Variants in PARD3B observed in about 807,000 individuals in gnomAD.
PARD3B encodes the protein partitioning defective 3 homolog B.
Under a neutral mutation model 130.2 loss-of-function variants are expected in PARD3B, and 103 were observed. The ratio of observed to expected loss-of-function variants is 0.79; its 90% CI spans 0.67 to 0.93. PARD3B has a LOEUF of 0.93. PARD3B is among the 40% of genes least tolerant of loss of function. The pLI is 0.00. For synonymous variants in PARD3B, 583 were observed against 553.2 expected (o/e 1.05, Z -0.76); for missense variants, 1,609 against 1,499.2 (o/e 1.07, Z -1.21).
chr2:205,081,826 A>G (rs1701427160), intron 4 of PARD3B, among the ~76,000 whole-genome samples: 1 of 152,066 alleles, frequency 6.6e-6, no homozygotes, highest in Admixed American at 6.5e-5. Context: ...TATGAGTGTT[A>G]CTGGTCCCTG....
chr2:205,016,656 T>C (rs1186756540), intron 3 of PARD3B, among the ~76,000 whole-genome samples: 1 of 152,142 alleles, frequency 6.6e-6, no homozygotes, highest in African/African-American at 2.4e-5. Context: ...TCTGAAAATA[T>C]AGGTTTCCAG....
At position 204,943,362 on chromosome 2, in the gene PARD3B, T is replaced by C. The variant is rs1316778540; in HGVS notation, c.223-21790T>C. Among the ~76,000 whole-genome samples, 1 of 152,112 alleles carries C rather than the reference T, an allele frequency of 6.6e-6. No homozygotes were observed. Among genetic ancestry groups the C allele is most frequent in the Non-Finnish European group, 1.5e-5 (1 of 68,028 alleles). On this transcript the variant is annotated intron_variant, in intron 2 of 22. Coordinates refer to ENST00000406610, the MANE Select transcript of PARD3B (RefSeq NM_001302769.2). The surrounding 1 kb of genome is among the most constrained non-coding windows in gnomAD (Gnocchi z 4.2). ...AGAAAGAGGTTAGAGGTAGACTGGC[T>C]GCTGGAAAAGAGAAGCCAAGATCCC... is the stretch of plus-strand genomic sequence containing the variant.
intron 3 of PARD3B, among the ~76,000 whole-genome samples, chr2:205,037,676 AC>A: frequency 8.5e-6 from 1 of 117,762 alleles, no homozygotes; most frequent in South Asian, 3.4e-4. Flanking sequence ...TATATAGTGG[AC>A]TATATATATA....
chr2:204,761,596 T>C (rs1180876840), intron 2 of PARD3B, among the ~76,000 whole-genome samples: 1 of 83,530 alleles, frequency 1.2e-5, no homozygotes. Flanking sequence ...ACCTAAAAAT[T>C]ACAAAAAAAA....
rs958245307 is a variant in PARD3B at position 205,291,631 on chromosome 2, T to C, written c.2186-8899T>C. Among the ~76,000 whole-genome samples the C allele has an allele frequency of 1.3e-5, 2 of 152,224 alleles. No individual in the cohort carries two copies. Among genetic ancestry groups the C allele is most frequent in the Non-Finnish European group, 2.9e-5 (2 of 68,024 alleles). On this transcript the variant is annotated intron_variant, in intron 16 of 22. Transcript: ENST00000406610. This position sits in a 1 kb window ranked among gnomAD's most constrained non-coding sequence, Gnocchi z 4.6. The stretch of plus-strand genomic sequence containing the variant: ...ATTTAATTAATGTAATTGTAGATAG[T>C]TTGTTTGAACCCATAGGCACAGCCT...
chr2:205,284,741 T>G (rs1309856958), intron 16 of PARD3B, among the ~76,000 whole-genome samples: 4 of 152,182 alleles, frequency 2.6e-5, no homozygotes, highest in Admixed American at 2.6e-4. Context: ...TTCATTACCA[T>G]TTTTACATGC....
rs186426551 is a variant in PARD3B, at chr2:205,272,646, C to T, written c.2185+26824C>T. Among the ~76,000 whole-genome samples the T allele has an allele frequency of 5.9e-5, 9 of 152,256 alleles. No homozygotes were observed. The East Asian group carries it at 7.7e-4, about 13-fold the overall frequency. ...CAAATACCAGACTTCTGGCCTCCTGCGTCTCCATCCATACCGTGTAGCTTC... is the reference window on the plus strand; with the variant it reads ...CAAATACCAGACTTCTGGCCTCCTGTGTCTCCATCCATACCGTGTAGCTTC... On this transcript the variant is annotated intron_variant, in intron 16 of 22. Coordinates refer to ENST00000406610, the MANE Select transcript of PARD3B (RefSeq NM_001302769.2).
At chr2:205,092,937 G>A (rs1014139282) in intron 4 of PARD3B, among the ~76,000 whole-genome samples, 1 of 152,118 alleles carries the variant, frequency 6.6e-6, no homozygotes, top group African/African-American at 2.4e-5. Context: ...AAATATAGGT[G>A]CATATGTAAA....
At chr2:204,788,770 TATG>T (rs1315747813) in intron 2 of PARD3B, among the ~76,000 whole-genome samples, 9 of 152,162 alleles carry the variant, frequency 5.9e-5, no homozygotes, top group Admixed American at 5.9e-4. Flanking sequence ...ATATGTAAAT[TATG>T]ATGCAAGTTA....
Position 205,366,071 on chromosome 2 carries a change from C to T in PARD3B, c.2631-34942C>T, listed in dbSNP as rs1358150242. Among the ~76,000 whole-genome samples, 3 of 152,048 alleles carry T rather than the reference C, an allele frequency of 2.0e-5. No homozygotes were observed. ...ACCCACCCACCCATCTATCCCCCCA[C>T]TCATCCATCCATCCGTTTATCCATC... On this transcript the variant is annotated intron_variant, in intron 18 of 22. Transcript: ENST00000406610. The surrounding 1 kb of genome is among the most constrained non-coding windows in gnomAD (Gnocchi z 5.0).
chr2:204,895,437 C>T lies in PARD3B; in HGVS notation c.223-69715C>T, dbSNP rs189740117. ...AATTTACAAAACTGATGTTATAACC[C>T]AGCCAAAGCTAGTGTTTTTCAGTTA... On this transcript the variant is annotated intron_variant, in intron 2 of 22. Coordinates refer to ENST00000406610, the MANE Select transcript of PARD3B (RefSeq NM_001302769.2). Among the ~76,000 whole-genome samples the T allele has an allele frequency of 2.0e-5, 3 of 152,042 alleles. No individual in the cohort carries two copies. The East Asian group carries it at 5.8e-4, about 29-fold the overall frequency.
intron 12 of PARD3B, among the ~76,000 whole-genome samples, chr2:205,174,724 T>C (rs1001252271): frequency 1.3e-5 from 2 of 152,218 alleles, no homozygotes; most frequent in Admixed American, 1.3e-4. Context: ...GAACATTATA[T>C]TGATATCTCA....
chr2:205,039,798 CT>C (rs1176023340), intron 3 of PARD3B, among the ~76,000 whole-genome samples: 1 of 152,184 alleles, frequency 6.6e-6, no homozygotes, highest in African/African-American at 2.4e-5. Flanking sequence ...AAAAGAATTG[CT>C]GCTGCATTGA....
intron 22 of PARD3B, among the ~76,000 whole-genome samples, chr2:205,599,416 C>G (rs1559256850): frequency 6.6e-6 from 1 of 152,146 alleles, no homozygotes; most frequent in East Asian, 1.9e-4. Context: ...TATTATCATG[C>G]CAGTGGTCTC....
At chr2:205,081,186 T>G (rs935809550) in intron 4 of PARD3B, among the ~76,000 whole-genome samples, 1 of 152,090 alleles carries the variant, frequency 6.6e-6, no homozygotes, top group Non-Finnish European at 1.5e-5. Flanking sequence ...AATATATCTT[T>G]CCCTATTCCC....
At chr2:204,857,056 C>T (rs1208367178) in intron 2 of PARD3B, among the ~76,000 whole-genome samples, 1 of 152,048 alleles carries the variant, frequency 6.6e-6, no homozygotes, top group East Asian at 1.9e-4. Flanking sequence ...GACCCCCACT[C>T]CACTTTTAAA....
chr2:205,449,064 G>A (rs906347893), intron 20 of PARD3B, among the ~76,000 whole-genome samples: 4 of 151,218 alleles, frequency 2.6e-5, no homozygotes, highest in Admixed American at 6.6e-5. Context: ...TACTTGGGAG[G>A]CTGAGGCAGG....
intron 3 of PARD3B, among the ~76,000 whole-genome samples, chr2:204,972,194 T>C (rs1236505846): frequency 3.3e-5 from 5 of 152,160 alleles, no homozygotes; most frequent in Non-Finnish European, 7.4e-5. Context: ...ATATTTTAAA[T>C]ATACAATTTT....
intron 12 of PARD3B, among the ~76,000 whole-genome samples, chr2:205,175,274 T>C (rs2035404195): frequency 6.6e-6 from 1 of 152,156 alleles, no homozygotes; most frequent in Non-Finnish European, 1.5e-5. Context: ...CTAGCTCTCT[T>C]TCCTGCTGCA....
Sources: gnomAD v4.1 joint callset for allele counts (sites outside exome capture counted in the v4.1 genomes callset) on GRCh38, gnomAD v4.1.1 for gene constraint, Gnocchi (gnomAD v3.1) non-coding constraint, MANE v1.5 for transcripts, NCBI Gene and HGNC (gene_info 2026-07-23, HGNC 2026-07-21) for gene names.